The following TENM2 variants were observed in gnomAD, a reference collection of about 807,000 sequenced individuals.
The protein encoded by TENM2 is teneurin transmembrane protein 2, also known as teneurin-2.
A neutral mutation model predicts 245.2 loss-of-function variants in TENM2; 52 were observed. That is an observed-to-expected ratio of 0.21 (90% confidence interval 0.17 to 0.27). The LOEUF is 0.27. Ranked by LOEUF, TENM2 falls within the 10% of genes least tolerant of loss-of-function variation. The pLI is 1.00. For missense variants in TENM2, 3,046 were observed against 3,666.8 expected, an observed-to-expected ratio of 0.83 and a Z score of 4.37; for synonymous variants, 1,363 against 1,438.9, an observed-to-expected ratio of 0.95 and a Z score of 1.19.
At chr5:167,546,228 C>T (rs192185910) in intron 2 of TENM2, among the ~76,000 whole-genome samples, 112 of 152,258 alleles carry the variant, frequency 7.4e-4, no homozygotes, top group African/African-American at 1.6e-3. Flanking sequence ...AGAACACATC[C>T]GGGCCAAGTT....
chr5:167,025,016 A>G, the TENM2 span, among the ~76,000 whole-genome samples: 10 of 152,302 alleles, frequency 6.6e-5, no homozygotes, highest in African/African-American at 2.4e-4. Flanking sequence ...ATTAAATTGT[A>G]GACTGACAGT....
At position 167,934,854 on chromosome 5, in the gene TENM2, G is replaced by A. The variant is rs867733257; in HGVS notation, c.713-17734G>A. 3 of 985,442 alleles carry A rather than the reference G, an allele frequency of 3.0e-6. No homozygotes were observed. The African/African-American group carries it at 5.2e-5, about 17-fold the overall frequency. 61.0% of individuals were successfully genotyped at this position (985,442 alleles called of 1,614,324 possible). A position where few individuals can be genotyped will look rare whatever the true frequency, so the allele number is the denominator to read the frequency against. On this transcript the variant is annotated intron_variant, in intron 3 of 28. Coordinates refer to ENST00000518659, the Ensembl canonical transcript of TENM2. Reference sequence around the variant, plus strand: ...AGCTAGCAAAGACCAGTGCAACGGAGGAGGCTTAGCTTAGTACGCGTTCGG... The same window carrying A: ...AGCTAGCAAAGACCAGTGCAACGGAAGAGGCTTAGCTTAGTACGCGTTCGG...
chr5:167,738,230 T>C (rs1220369200), intron 2 of TENM2, among the ~76,000 whole-genome samples: 3 of 152,166 alleles, frequency 2.0e-5, no homozygotes, highest in African/African-American at 7.2e-5. Context: ...TTTCTGGCTG[T>C]GTTAAATTCT....
rs1048194098 is a variant in TENM2 at position 167,755,897 on chromosome 5, T to C, written c.503-120089T>C. Among the ~76,000 whole-genome samples, 9 of 152,304 alleles carry C rather than the reference T, an allele frequency of 5.9e-5. No homozygotes were observed. In the South Asian group the frequency reaches 1.9e-3, roughly 32 times the overall value. Reference sequence around the variant, plus strand: ...TTTGCCTTCAAAGAGGGTGCTGCTGTCTCATCAGTATAAATGGAGTGGTAA... The same window carrying C: ...TTTGCCTTCAAAGAGGGTGCTGCTGCCTCATCAGTATAAATGGAGTGGTAA... On this transcript the variant is annotated intron_variant, in intron 2 of 28. Coordinates refer to ENST00000518659, the Ensembl canonical transcript of TENM2.
At chr5:167,060,260 G>T in the TENM2 span, among the ~76,000 whole-genome samples, 1 of 151,788 alleles carries the variant, frequency 6.6e-6, no homozygotes, top group African/African-American at 2.4e-5. Flanking sequence ...AACCATTGTT[G>T]CCCAATAGAA....
chr5:167,504,614 C>T (rs1769423582), intron 2 of TENM2, among the ~76,000 whole-genome samples: 1 of 152,130 alleles, frequency 6.6e-6, no homozygotes, highest in African/African-American at 2.4e-5. Flanking sequence ...GGTGGAAGAC[C>T]AGGAAGAGCT....
At chr5:167,571,201 G>A (rs1226537706) in intron 2 of TENM2, among the ~76,000 whole-genome samples, 5 of 152,072 alleles carry the variant, frequency 3.3e-5, no homozygotes, top group East Asian at 3.9e-4. Flanking sequence ...GACCTACCAC[G>A]GCACAGACAT....
chr5:167,812,768 C>G (rs1766735797), intron 2 of TENM2, among the ~76,000 whole-genome samples: 2 of 152,156 alleles, frequency 1.3e-5, no homozygotes. Flanking sequence ...TGAGCAATGC[C>G]TATCTTTGAT....
rs398073728 is a variant in TENM2, at chr5:168,078,514, G to A, written c.1516-12060G>A. ...CGTGAAGCCCTTGCCCATGCCTATG[G>A]CCTGAATGGTATTGCCTAGGTTTTC... On this transcript the variant is annotated intron_variant, in intron 7 of 28. Coordinates refer to ENST00000518659, the Ensembl canonical transcript of TENM2. Among the ~76,000 whole-genome samples, 13 of 152,116 alleles carry A rather than the reference G, an allele frequency of 8.5e-5. No homozygotes were observed. The East Asian group carries it at 2.5e-3, about 29-fold the overall frequency.
the TENM2 span, among the ~76,000 whole-genome samples, chr5:167,093,623 T>G: frequency 6.6e-6 from 1 of 152,200 alleles, no homozygotes; most frequent in African/African-American, 2.4e-5. Context: ...CTGTCCACCT[T>G]TCTGTCATGT....
intron 2 of TENM2, among the ~76,000 whole-genome samples, chr5:167,757,670 G>A (rs1762397260): frequency 6.6e-6 from 1 of 152,104 alleles, no homozygotes; most frequent in South Asian, 2.1e-4. Context: ...TCACCACACT[G>A]TCTTCCACAA....
chr5:167,613,335 T>C (rs912957144), intron 2 of TENM2, among the ~76,000 whole-genome samples: 3 of 152,208 alleles, frequency 2.0e-5, no homozygotes, highest in Non-Finnish European at 4.4e-5. Flanking sequence ...AAACCAGGGC[T>C]GTACTAGGTG....
Position 168,140,112 on chromosome 5 carries a change from C to G in TENM2, c.2422+13146C>G, listed in dbSNP as rs558850616. 3.3e-5 allele frequency among the ~76,000 whole-genome samples: 5 copies of G among 152,270 alleles called. No homozygotes were observed. The East Asian group carries it at 9.7e-4, about 29-fold the overall frequency. On this transcript the variant is annotated intron_variant, in intron 12 of 28. Coordinates refer to ENST00000518659, the Ensembl canonical transcript of TENM2. ...TTCTCTTGTTTGATGCCCCATCTCTCCTTGGTAACTGGTTTAAGCTGGTGG... is the reference window on the plus strand; with the variant it reads ...TTCTCTTGTTTGATGCCCCATCTCTGCTTGGTAACTGGTTTAAGCTGGTGG...
the TENM2 span, among the ~76,000 whole-genome samples, chr5:167,005,655 G>GTTTTTTTTT: frequency 5.7e-5 from 3 of 52,976 alleles, no homozygotes; most frequent in African/African-American, 8.4e-5. Context: ...CTGTGTGTGG[G>GTTTTTTTTT]TTTTTTTTTT....
chr5:167,395,449 C>T (rs1025205048), intron 2 of TENM2, among the ~76,000 whole-genome samples: 3 of 152,068 alleles, frequency 2.0e-5, no homozygotes, highest in East Asian at 1.9e-4. Context: ...CTGGAAACGG[C>T]GATAGCATTA....
chr5:167,609,108 T>G lies in TENM2; in HGVS notation c.502+233635T>G, dbSNP rs543492277. 1.0e-3 allele frequency among the ~76,000 whole-genome samples: 157 copies of G among 152,264 alleles called. 1 individual carries two copies. The highest frequency in any genetic ancestry group is 1.8e-3 in the Non-Finnish European group (120 of 68,020). On this transcript the variant is annotated intron_variant, in intron 2 of 28. Coordinates refer to ENST00000518659, the Ensembl canonical transcript of TENM2. ...AGAATAGGTTTTTTTCTTGCTATCA[T>G]CACTTCCTTTAGCATGTAGGTGCCT...
chr5:168,003,810 C>T (rs957279281), intron 5 of TENM2, among the ~76,000 whole-genome samples: 1 of 152,172 alleles, frequency 6.6e-6, no homozygotes, highest in African/African-American at 2.4e-5. Context: ...AGTTTATAGA[C>T]ACAGCGGACT....
At chr5:167,808,462 G>C (rs1196862060) in intron 2 of TENM2, among the ~76,000 whole-genome samples, 1 of 152,114 alleles carries the variant, frequency 6.6e-6, no homozygotes, top group Non-Finnish European at 1.5e-5. Flanking sequence ...GTTTTGCCAT[G>C]TTGGCCAGGC....
At chr5:167,215,282 A>C in the TENM2 span, among the ~76,000 whole-genome samples, 7 of 152,186 alleles carry the variant, frequency 4.6e-5, no homozygotes, top group African/African-American at 1.7e-4. Context: ...GAGATTTAGA[A>C]TTAATTGGTG....
Sources: gnomAD v4.1 joint callset for allele counts (sites outside exome capture counted in the v4.1 genomes callset) on GRCh38, gnomAD v4.1.1 for gene constraint, MANE v1.5 for transcripts, NCBI Gene and HGNC (gene_info 2026-07-23, HGNC 2026-07-21) for gene names.